Variants in NRXN1 observed in about 807,000 individuals in gnomAD.
NRXN1 encodes neurexin-1.
In NRXN1, 39 loss-of-function variants were observed where a neutral mutation model predicts 150.9. The observed-to-expected ratio is 0.26, with a 90% CI of 0.20 to 0.34. The LOEUF (loss-of-function observed/expected upper bound fraction) is 0.34, where lower values mean the gene tolerates loss of function less well. NRXN1 is among the 10% of genes least tolerant of loss of function. NRXN1 has a pLI of 1.00. For missense variants in NRXN1, 1,815 were observed against 1,949.9 expected (o/e 0.93, Z 1.30); for synonymous variants, 924 against 757.0 (o/e 1.22, Z -3.62).
intron 21 of NRXN1, among the ~76,000 whole-genome samples, chr2:50,042,721 T>G (rs115701441): frequency 8.6e-5 from 13 of 152,022 alleles, no homozygotes; most frequent in Non-Finnish European, 1.6e-4. Flanking sequence ...GACTTTAAGA[T>G]GCTTGTCAAA....
At chr2:50,225,492 A>G (rs528498020) in intron 18 of NRXN1, among the ~76,000 whole-genome samples, 10 of 152,138 alleles carry the variant, frequency 6.6e-5, no homozygotes, top group East Asian at 1.9e-4. Context: ...AAGTAACACA[A>G]TAGGATTAAG....
chr2:50,770,006 CAGT>C lies in NRXN1; in HGVS notation c.833-146394_833-146392del, dbSNP rs1702815149. Among the ~76,000 whole-genome samples the C allele has an allele frequency of 1.3e-5, 2 of 152,104 alleles. 1 individual carries two copies. Among genetic ancestry groups the C allele is most frequent in the South Asian group, 4.1e-4 (2 of 4,830 alleles). Reference sequence around the variant, plus strand: ...AATAAGGGGCATTTGTATTCTGCAGCAGTAGAACTTCACTTGTGCTTCCCTGTA... The same window carrying C: ...AATAAGGGGCATTTGTATTCTGCAGCAGAACTTCACTTGTGCTTCCCTGTA... On this transcript the variant is annotated intron_variant, in intron 5 of 22. Transcript: ENST00000401669.
At chr2:50,474,159 C>T (rs773950183) in intron 15 of NRXN1, among the ~76,000 whole-genome samples, 1 of 151,762 alleles carries the variant, frequency 6.6e-6, no homozygotes, top group Non-Finnish European at 1.5e-5. Context: ...GATTTTTCTT[C>T]CATATTTCCA....
chr2:50,042,920 A>C (rs1691231523), intron 21 of NRXN1, among the ~76,000 whole-genome samples: 2 of 152,258 alleles, frequency 1.3e-5, no homozygotes, highest in Admixed American at 1.3e-4. Context: ...ACACTAACAA[A>C]GCTTTAGTAT....
chr2:50,239,959 T>A (rs962708205), intron 17 of NRXN1, among the ~76,000 whole-genome samples: 1 of 151,228 alleles, frequency 6.6e-6, no homozygotes, highest in Admixed American at 6.6e-5. Context: ...TTAGTTGGGG[T>A]ACACTTCCCA....
At chr2:49,942,436 G>T (rs1228893044) in intron 22 of NRXN1, among the ~76,000 whole-genome samples, 1 of 152,002 alleles carries the variant, frequency 6.6e-6, no homozygotes. Flanking sequence ...CTAAAGAGCG[G>T]ATTTACTCTA....
intron 17 of NRXN1, among the ~76,000 whole-genome samples, chr2:50,246,487 T>C (rs2066517714): frequency 1.3e-5 from 2 of 152,100 alleles, no homozygotes; most frequent in Admixed American, 1.3e-4. Context: ...TTTCCTAATG[T>C]TAGTTCTACT....
intron 21 of NRXN1, among the ~76,000 whole-genome samples, chr2:50,028,891 A>G (rs1026413425): frequency 1.1e-4 from 16 of 152,212 alleles, no homozygotes; most frequent in Non-Finnish European, 2.1e-4. Context: ...GTGAACAATA[A>G]AACTATATAA....
chr2:50,747,420 C>G (rs1700143816), intron 5 of NRXN1, among the ~76,000 whole-genome samples: 1 of 151,994 alleles, frequency 6.6e-6, no homozygotes, highest in African/African-American at 2.4e-5. Context: ...GGAAACAAAC[C>G]TCTCCCCATT....
At chr2:50,334,435 A>G (rs2077052639) in intron 17 of NRXN1, among the ~76,000 whole-genome samples, 1 of 152,024 alleles carries the variant, frequency 6.6e-6, no homozygotes, top group African/African-American at 2.4e-5. Context: ...CTCTCTATTT[A>G]CCACATACCC....
At chr2:50,964,427 C>G (rs1693720300) in intron 2 of NRXN1, among the ~76,000 whole-genome samples, 1 of 151,234 alleles carries the variant, frequency 6.6e-6, no homozygotes, top group Admixed American at 6.6e-5. Flanking sequence ...ATGGTGAACA[C>G]GAAAATTAAA....
rs1460801697 is a variant in NRXN1, at chr2:50,115,213, A to ATG, written c.3547-23721_3547-23720dup. On this transcript the variant is annotated intron_variant, in intron 18 of 22. Coordinates refer to ENST00000401669, the MANE Select transcript of NRXN1 (RefSeq NM_001330078.2). ...ACTTACAAAAAAACATATATATGTT[A>ATG]TGTGTATATATATATATATATATAT... 3.9e-3 allele frequency among the ~76,000 whole-genome samples: 392 copies of ATG among 99,360 alleles called. 3 individuals carry two copies. The highest frequency in any genetic ancestry group is 0.013 in the African/African-American group (374 of 27,982). 65.2% of individuals were successfully genotyped at this position (99,360 alleles called of 152,430 possible). A position where few individuals can be genotyped will look rare whatever the true frequency, so the allele number is the denominator to read the frequency against.
At chr2:50,691,484 T>A in intron 5 of NRXN1, among the ~76,000 whole-genome samples, 1 of 152,198 alleles carries the variant, frequency 6.6e-6, no homozygotes, top group Non-Finnish European at 1.5e-5. Context: ...AAATGCTTAT[T>A]TTTTTAGGAA....
At chr2:50,235,493 C>T (rs1009037713) in intron 18 of NRXN1, among the ~76,000 whole-genome samples, 2 of 151,982 alleles carry the variant, frequency 1.3e-5, no homozygotes, top group South Asian at 4.1e-4. Flanking sequence ...AGTGTAAACT[C>T]CTACACAGCT....
chr2:50,094,706 C>T (rs916535780), intron 18 of NRXN1, among the ~76,000 whole-genome samples: 1 of 150,806 alleles, frequency 6.6e-6, no homozygotes, highest in Non-Finnish European at 1.5e-5. Flanking sequence ...GTATTGTATC[C>T]TGTTTAGCAG....
chr2:50,458,552 C>CTA (rs1019643341), intron 17 of NRXN1, among the ~76,000 whole-genome samples: 8 of 151,778 alleles, frequency 5.3e-5, no homozygotes, highest in Admixed American at 2.0e-4. Flanking sequence ...CATGTACCCC[C>CTA]TAAATATGTA....
At chr2:50,753,363 T>C (rs1293337631) in intron 5 of NRXN1, among the ~76,000 whole-genome samples, 2 of 151,912 alleles carry the variant, frequency 1.3e-5, no homozygotes, top group African/African-American at 2.4e-5. Flanking sequence ...GTGTTGAGCA[T>C]GTTGAACTAG....
chr2:50,070,941 T>G (rs912329270), intron 19 of NRXN1, among the ~76,000 whole-genome samples: 3 of 152,312 alleles, frequency 2.0e-5, no homozygotes, highest in African/African-American at 7.2e-5. Context: ...CCTTCAGTAT[T>G]TCTTCTTAAA....
At chr2:50,317,878 G>C (rs2152970630) in intron 17 of NRXN1, among the ~76,000 whole-genome samples, 1 of 152,102 alleles carries the variant, frequency 6.6e-6, no homozygotes, top group Admixed American at 6.6e-5. Context: ...GTTAACATTA[G>C]ATGTTGTAAC....
Sources: gnomAD v4.1 joint callset for allele counts (sites outside exome capture counted in the v4.1 genomes callset) on GRCh38, gnomAD v4.1.1 for gene constraint, MANE v1.5 for transcripts, NCBI Gene and HGNC (gene_info 2026-07-23, HGNC 2026-07-21) for gene names.